PRKN: variants seen among roughly 807,000 people sequenced by gnomAD.
PRKN encodes the protein parkin RBR E3 ubiquitin protein ligase, also known as E3 ubiquitin-protein ligase parkin.
A neutral mutation model predicts 59.5 loss-of-function variants in PRKN; 56 were observed. The ratio of observed to expected loss-of-function variants is 0.94; its 90% CI spans 0.76 to 1.18. PRKN has a LOEUF of 1.18. Ranked by LOEUF, PRKN falls within the 50% of genes most tolerant of loss-of-function variation. The pLI, the probability that PRKN is intolerant of heterozygous loss-of-function variation, is 0.00. For missense variants in PRKN, 657 were observed against 596.4 expected (o/e 1.10, Z -1.06); for synonymous variants, 250 against 222.1 (o/e 1.13, Z -1.12).
At chr6:162,295,969 C>A (rs1332231302) in intron 2 of PRKN, among the ~76,000 whole-genome samples, 1 of 151,890 alleles carries the variant, frequency 6.6e-6, no homozygotes, top group Non-Finnish European at 1.5e-5. Flanking sequence ...CCCAAGGCCA[C>A]TACAAAGAAA....
intron 4 of PRKN, among the ~76,000 whole-genome samples, chr6:162,174,372 G>A (rs1783436417): frequency 6.6e-6 from 1 of 152,060 alleles, no homozygotes; most frequent in Non-Finnish European, 1.5e-5. Context: ...CCAAGTCCTT[G>A]CCGTCCCCTC....
intron 2 of PRKN, among the ~76,000 whole-genome samples, chr6:162,362,111 T>C (rs149230963): frequency 2.5e-4 from 38 of 152,316 alleles, no homozygotes; most frequent in Non-Finnish European, 5.0e-4. Context: ...CAAAGGGAAG[T>C]ATCAAAAGGA....
chr6:162,373,201 T>A (rs1785865938), intron 2 of PRKN, among the ~76,000 whole-genome samples: 2 of 152,216 alleles, frequency 1.3e-5, no homozygotes, highest in Non-Finnish European at 2.9e-5. Flanking sequence ...AATAGCTACT[T>A]CAACGGAGCT....
rs1297687701 is a variant in PRKN at position 161,820,886 on chromosome 6, G to A, written c.735-34978C>T. ...AAAATCATTAAAATAAACCTTTGAA[G>A]TATAAACGCCTTTGGAAAATACCCC... On this transcript the variant is annotated intron_variant, in intron 6 of 11. Coordinates refer to ENST00000366898, the MANE Select transcript of PRKN (RefSeq NM_004562.3). Among the ~76,000 whole-genome samples the A allele has an allele frequency of 5.9e-5, 9 of 151,630 alleles. No individual in the cohort carries two copies. In the East Asian group the frequency reaches 1.7e-3, roughly 29 times the overall value.
intron 3 of PRKN, among the ~76,000 whole-genome samples, chr6:162,232,915 A>G (rs140870354): frequency 1.3e-5 from 2 of 148,900 alleles, no homozygotes; most frequent in African/African-American, 2.4e-5. Flanking sequence ...ATCAATATTT[A>G]AAACTTATGT....
At chr6:162,090,621 C>T (rs1284434885) in intron 4 of PRKN, among the ~76,000 whole-genome samples, 2 of 152,154 alleles carry the variant, frequency 1.3e-5, no homozygotes, top group East Asian at 3.8e-4. Context: ...TCTAGCTACA[C>T]AACGACATCA....
At chr6:162,181,936 T>C (rs866437910) in intron 4 of PRKN, among the ~76,000 whole-genome samples, 2 of 152,064 alleles carry the variant, frequency 1.3e-5, no homozygotes, top group Non-Finnish European at 2.9e-5. Flanking sequence ...AAACAGGAAA[T>C]CCATTCTCAG....
At chr6:162,593,954 G>A (rs932853597) in intron 1 of PRKN, among the ~76,000 whole-genome samples, 4 of 152,232 alleles carry the variant, frequency 2.6e-5, no homozygotes, top group African/African-American at 9.6e-5. Context: ...TTCGAGCCCA[G>A]CCTGGCCAAC....
chr6:162,462,672 C>A (rs550988337), intron 1 of PRKN, among the ~76,000 whole-genome samples: 1 of 152,208 alleles, frequency 6.6e-6, no homozygotes, highest in South Asian at 2.1e-4. Flanking sequence ...CTTCAATAGA[C>A]GGCTGCTTAC....
At chr6:162,390,830 G>C (rs940810355) in intron 2 of PRKN, among the ~76,000 whole-genome samples, 1 of 152,098 alleles carries the variant, frequency 6.6e-6, no homozygotes, top group Non-Finnish European at 1.5e-5. Context: ...TTAGGGTAGA[G>C]ATGGTACAAA....
intron 1 of PRKN, among the ~76,000 whole-genome samples, chr6:162,618,687 C>A (rs1192522907): frequency 6.6e-6 from 1 of 152,162 alleles, no homozygotes; most frequent in Non-Finnish European, 1.5e-5. Context: ...CCATAATGTT[C>A]TTCTGTCAGA....
rs76689738 is a variant in PRKN at position 161,656,480 on chromosome 6, C to T, written c.872-87064G>A. ...CAGGACAGGGGCACTCTCTGCAGCA[C>T]CCCCCACTGCTCTGAGCTGTTGGAG... On this transcript the variant is annotated intron_variant, in intron 7 of 11. Transcript: ENST00000366898. Among the ~76,000 whole-genome samples, 630 of 152,288 alleles carry T rather than the reference C, an allele frequency of 4.1e-3. 14 individuals are homozygous for T. The East Asian group carries it at 0.062, about 15-fold the overall frequency.
chr6:162,242,542 T>C (rs1455068896), intron 3 of PRKN, among the ~76,000 whole-genome samples: 3 of 152,168 alleles, frequency 2.0e-5, no homozygotes, highest in Admixed American at 6.6e-5. Context: ...AAGAGTTGCC[T>C]CCTAGATGTA....
At chr6:162,577,547 C>T (rs536349071) in intron 1 of PRKN, among the ~76,000 whole-genome samples, 11 of 151,866 alleles carry the variant, frequency 7.2e-5, no homozygotes, top group African/African-American at 7.2e-5. Flanking sequence ...GTGCAGTAAG[C>T]GGAGATCACA....
rs3734464 is a variant in PRKN, at chr6:161,348,803, T to C, written c.*1296A>G. ...CAGGTAGAACAAAAGATAGTGGTTG[T>C]ACTTTCTCTTCTGCGTAGTGTGGGT... On this transcript the variant is annotated 3_prime_UTR_variant, in exon 12 of 12. Transcript: ENST00000366898. This position sits in a 1 kb window ranked among gnomAD's most constrained non-coding sequence, Gnocchi z 4.9. 17,138 of 210,028 alleles carry C rather than the reference T, an allele frequency of 0.082. 763 individuals are homozygous for C. Among genetic ancestry groups the C allele is most frequent in the Non-Finnish European group, 0.098 (10,153 of 103,318 alleles). 13.0% of individuals were successfully genotyped at this position (210,028 alleles called of 1,614,324 possible). A position where few individuals can be genotyped will look rare whatever the true frequency, so the allele number is the denominator to read the frequency against.
rs1491403197 is a variant in PRKN, at chr6:162,011,454, AAT to A, written c.619-38039_619-38038del. ...TATATGTTATATATTTATAATATAT[AAT>A]ATATATATTATAATATATAATATAT... On this transcript the variant is annotated intron_variant, in intron 5 of 11. Transcript: ENST00000366898. Among the ~76,000 whole-genome samples the A allele has an allele frequency of 2.8e-4, 6 of 21,214 alleles. 2 individuals are homozygous for A. Among genetic ancestry groups the A allele is most frequent in the African/African-American group, 1.3e-3 (2 of 1,554 alleles). The allele number at this position is 21,214 out of a possible 152,430, so 13.9% of individuals were successfully genotyped here.
At chr6:162,044,971 C>T (rs1485414242) in intron 5 of PRKN, among the ~76,000 whole-genome samples, 1 of 152,192 alleles carries the variant, frequency 6.6e-6, no homozygotes, top group African/African-American at 2.4e-5. Context: ...TAGGTCATGG[C>T]ATAAAAATCA....
In PRKN at chr6:162,012,943, G is replaced by T. The variant is rs1460161858; in HGVS notation, c.619-39526C>A. Among the ~76,000 whole-genome samples the T allele has an allele frequency of 2.6e-5, 4 of 152,192 alleles. No individual in the cohort carries two copies. The East Asian group carries it at 5.8e-4, about 22-fold the overall frequency. On this transcript the variant is annotated intron_variant, in intron 5 of 11. Coordinates refer to ENST00000366898, the MANE Select transcript of PRKN (RefSeq NM_004562.3). Reference sequence around the variant, plus strand: ...CCTGCCAGGTTTCTCCACTGTTAAGGTTCCTGATTTTTATTTTTATGTTGA... The same window carrying T: ...CCTGCCAGGTTTCTCCACTGTTAAGTTTCCTGATTTTTATTTTTATGTTGA...
intron 1 of PRKN, among the ~76,000 whole-genome samples, chr6:162,499,531 G>C (rs985499605): frequency 1.3e-5 from 2 of 152,180 alleles, no homozygotes; most frequent in Non-Finnish European, 1.5e-5. Flanking sequence ...ACTGACGACT[G>C]AATAAATGTG....
Sources: allele counts gnomAD v4.1 joint callset (sites outside exome capture counted in the v4.1 genomes callset), GRCh38; gene constraint gnomAD v4.1.1; non-coding constraint Gnocchi (gnomAD v3.1); transcripts MANE v1.5; gene names NCBI Gene and HGNC (gene_info 2026-07-23, HGNC 2026-07-21).